CAST: variants seen among roughly 807,000 people sequenced by gnomAD.
The protein encoded by CAST is calpastatin.
Under a neutral mutation model 119.6 loss-of-function variants are expected in CAST, and 76 were observed. The observed-to-expected ratio is 0.64, with a 90% CI of 0.53 to 0.77. The LOEUF (loss-of-function observed/expected upper bound fraction) is 0.77. CAST is among the 30% of genes least tolerant of loss of function. CAST has a pLI of 0.00. For synonymous variants in CAST, 319 were observed against 331.6 expected (o/e 0.96, Z 0.41); for missense variants, 953 against 946.5 (o/e 1.01, Z -0.09).
intron 1 of CAST, among the ~76,000 whole-genome samples, chr5:96,584,127 G>A (rs1441482559): frequency 6.6e-6 from 1 of 152,170 alleles, no homozygotes; most frequent in African/African-American, 2.4e-5. Flanking sequence ...CACAGACAAG[G>A]GGTGGGAGGA....
chr5:96,017,536 T>G, the CAST span, among the ~76,000 whole-genome samples: 10 of 152,212 alleles, frequency 6.6e-5, no homozygotes, highest in African/African-American at 2.2e-4. Context: ...TTTCAAATAT[T>G]GTGGTCACAT....
the CAST span, among the ~76,000 whole-genome samples, chr5:96,428,167 A>G: frequency 3.2e-4 from 48 of 152,322 alleles, no homozygotes; most frequent in Non-Finnish European, 7.4e-5. Flanking sequence ...TATCAGTTTC[A>G]GAATGAATAA....
At chr5:96,574,926 A>T (rs1365496504) in intron 1 of CAST, among the ~76,000 whole-genome samples, 3 of 152,164 alleles carry the variant, frequency 2.0e-5, no homozygotes, top group Non-Finnish European at 2.9e-5. Context: ...TTCCAAATAA[A>T]CCATAGAATT....
the CAST span, among the ~76,000 whole-genome samples, chr5:96,054,729 A>G: frequency 6.6e-6 from 1 of 152,156 alleles, no homozygotes; most frequent in African/African-American, 2.4e-5. Flanking sequence ...TTAGTTCAAT[A>G]CTATTTATTT....
the CAST span, among the ~76,000 whole-genome samples, chr5:96,243,869 C>T: frequency 6.6e-6 from 1 of 152,168 alleles, no homozygotes; most frequent in African/African-American, 2.4e-5. Context: ...AATGCATGAG[C>T]ACTTGACTCA....
At chr5:96,006,380 A>C in the CAST span, among the ~76,000 whole-genome samples, 2 of 64,592 alleles carry the variant, frequency 3.1e-5, no homozygotes, top group Non-Finnish European at 5.2e-5. Flanking sequence ...GAAAAATCGC[A>C]AAAAAAAAAA....
the CAST span, among the ~76,000 whole-genome samples, chr5:96,016,338 T>C: frequency 1.3e-5 from 2 of 152,222 alleles, no homozygotes; most frequent in African/African-American, 4.8e-5. Context: ...ATTCTTTGTA[T>C]ATGGCAAATT....
intron 22 of CAST, among the ~76,000 whole-genome samples, chr5:96,756,772 A>C (rs569644907): frequency 1.3e-5 from 2 of 152,282 alleles, no homozygotes; most frequent in South Asian, 4.1e-4. Context: ...TAGGTGGATA[A>C]ATGGGATTTA....
At chr5:96,766,905 T>C (rs1770198005) in intron 27 of CAST, among the ~76,000 whole-genome samples, 1 of 152,234 alleles carries the variant, frequency 6.6e-6, no homozygotes, top group Non-Finnish European at 1.5e-5. Flanking sequence ...CAGGGTCTCC[T>C]ATTACAGGAA....
chr5:96,429,965 A>G, the CAST span, among the ~76,000 whole-genome samples: 1 of 152,362 alleles, frequency 6.6e-6, no homozygotes, highest in South Asian at 2.1e-4. Flanking sequence ...TGTTCAAAGA[A>G]CAATTATTTG....
chr5:96,704,631 A>G lies in CAST; in HGVS notation c.210+8724A>G, dbSNP rs116658321. ...AACCCATATTCTTCTATGTTCATAT[A>G]TATCTTTGTATCTCCTCTTTCATTA... On this transcript the variant is annotated intron_variant, in intron 3 of 31. Coordinates refer to ENST00000675179, the MANE Select transcript of CAST (RefSeq NM_001750.7). Among the ~76,000 whole-genome samples, 1,198 of 152,298 alleles carry G rather than the reference A, an allele frequency of 7.9e-3. 17 individuals carry two copies. The highest frequency in any genetic ancestry group is 0.028 in the African/African-American group (1,147 of 41,562).
chr5:96,307,345 C>G, the CAST span, among the ~76,000 whole-genome samples: 11 of 152,140 alleles, frequency 7.2e-5, no homozygotes, highest in African/African-American at 2.7e-4. Flanking sequence ...CTATGTGTGT[C>G]TTTGCACATG....
At chr5:96,084,713 G>C in the CAST span, among the ~76,000 whole-genome samples, 5 of 152,166 alleles carry the variant, frequency 3.3e-5, no homozygotes, top group Non-Finnish European at 5.9e-5. Flanking sequence ...TCACTTCAGG[G>C]CCAGTTAGCC....
the CAST span, among the ~76,000 whole-genome samples, chr5:96,503,524 C>T: frequency 6.6e-6 from 1 of 152,188 alleles, no homozygotes. Flanking sequence ...CTCACATAAT[C>T]CTCTTTGCTA....
At chr5:96,150,352 A>C in the CAST span, among the ~76,000 whole-genome samples, 2 of 152,122 alleles carry the variant, frequency 1.3e-5, no homozygotes, top group African/African-American at 4.8e-5. Flanking sequence ...GCGTTCTTGG[A>C]GGTTTCAGTG....
the CAST span, among the ~76,000 whole-genome samples, chr5:96,359,704 T>C: frequency 1.3e-5 from 2 of 152,228 alleles, no homozygotes; most frequent in African/African-American, 4.8e-5. Context: ...AGAGATTCAC[T>C]GTTAGGCTGA....
intron 1 of CAST, among the ~76,000 whole-genome samples, chr5:96,540,555 T>C (rs1208076448): frequency 6.6e-6 from 1 of 152,220 alleles, no homozygotes; most frequent in Non-Finnish European, 1.5e-5. Context: ...TACTTTAGGA[T>C]AGTACATTTC....
chr5:96,649,694 T>C (rs1286279969), intron 1 of CAST, among the ~76,000 whole-genome samples: 1 of 152,246 alleles, frequency 6.6e-6, no homozygotes, highest in Non-Finnish European at 1.5e-5. Context: ...GAGCAGTCTC[T>C]GAACTGTTTC....
chr5:96,326,695 A>ATTTTTTTT, the CAST span, among the ~76,000 whole-genome samples: 70 of 95,748 alleles, frequency 7.3e-4, no homozygotes, highest in Admixed American at 1.1e-3. Context: ...ATGGCTTTTC[A>ATTTTTTTT]TTTTTTTTTT....
Sources: gnomAD v4.1 joint callset for allele counts (sites outside exome capture counted in the v4.1 genomes callset) on GRCh38, gnomAD v4.1.1 for gene constraint, MANE v1.5 for transcripts, NCBI Gene and HGNC (gene_info 2026-07-23, HGNC 2026-07-21) for gene names.